LUC7L2: variants seen among roughly 807,000 people sequenced by gnomAD.
The protein encoded by LUC7L2 is LUC7 like 2, pre-mRNA splicing factor.
A neutral mutation model predicts 52.8 loss-of-function variants in LUC7L2; 25 were observed. The ratio of observed to expected loss-of-function variants is 0.47; its 90% CI spans 0.34 to 0.66. The LOEUF is 0.66. Among genes scored for constraint, LUC7L2 ranks in the 30% least tolerant of loss-of-function variants. LUC7L2 has a pLI of 0.01. For missense variants in LUC7L2, 328 were observed against 497.8 expected, an observed-to-expected ratio of 0.66 and a Z score of 3.25; for synonymous variants, 144 against 160.9, an observed-to-expected ratio of 0.89 and a Z score of 0.80.
At chr7:139,391,807 G>A (rs559209441) in intron 2 of LUC7L2, among the ~76,000 whole-genome samples, 3 of 152,160 alleles carry the variant, frequency 2.0e-5, no homozygotes, top group East Asian at 3.9e-4. Context: ...GGCTGGTCTC[G>A]AACTCCTGGC....
intron 1 of LUC7L2, among the ~76,000 whole-genome samples, chr7:139,344,421 G>A (rs552397872): frequency 2.0e-5 from 3 of 152,168 alleles, no homozygotes; most frequent in South Asian, 2.1e-4. Context: ...TACCTTATGC[G>A]GTGTAAATGC....
intron 1 of LUC7L2, among the ~76,000 whole-genome samples, chr7:139,371,742 T>C (rs546667734): frequency 2.6e-5 from 4 of 152,204 alleles, no homozygotes; most frequent in East Asian, 1.9e-4. Context: ...CCTCCTGATA[T>C]ATGGAAGGGG....
chr7:139,419,612 C>T (rs1432764608), intron 9 of LUC7L2, among the ~76,000 whole-genome samples: 1 of 152,204 alleles, frequency 6.6e-6, no homozygotes, highest in Non-Finnish European at 1.5e-5. Flanking sequence ...ATTGTTGTTG[C>T]TGAACTCCTA....
exon 1 of LUC7L2, chr7:139,340,494 C>A (rs1302467974): frequency 2.5e-6 from 1 of 398,436 alleles, no homozygotes; most frequent in Non-Finnish European, 4.4e-6. Context: ...GTTCAACGTC[C>A]GGAGCATCGG....
intron 2 of LUC7L2, among the ~76,000 whole-genome samples, chr7:139,391,375 G>C (rs1364825043): frequency 6.6e-6 from 1 of 152,150 alleles, no homozygotes; most frequent in Non-Finnish European, 1.5e-5. Context: ...TAACAAAGCA[G>C]TTATATTTAC....
intron 2 of LUC7L2, among the ~76,000 whole-genome samples, chr7:139,389,883 C>T (rs1163495626): frequency 2.6e-5 from 4 of 152,272 alleles, no homozygotes; most frequent in African/African-American, 9.6e-5. Flanking sequence ...AAACATCTTA[C>T]TTGATCTGAA....
chr7:139,362,213 G>T (rs1412683247), intron 1 of LUC7L2, among the ~76,000 whole-genome samples: 1 of 151,890 alleles, frequency 6.6e-6, no homozygotes, highest in East Asian at 1.9e-4. Flanking sequence ...GCTGTATTGG[G>T]TTAGAAGTAA....
chr7:139,350,196 A>G (rs965122606), intron 1 of LUC7L2, among the ~76,000 whole-genome samples: 1 of 151,672 alleles, frequency 6.6e-6, no homozygotes, highest in Non-Finnish European at 1.5e-5. Flanking sequence ...ATCTCTGCTC[A>G]CTGCAAGCTC....
At chr7:139,360,914 G>C (rs1799847052) in intron 1 of LUC7L2, among the ~76,000 whole-genome samples, 1 of 152,178 alleles carries the variant, frequency 6.6e-6, no homozygotes, top group African/African-American at 2.4e-5. Context: ...TTGTGAGAAG[G>C]AACATGTTAT....
At position 139,405,650 on chromosome 7, in the gene LUC7L2, C is replaced by T. The variant is rs774933065; in HGVS notation, c.373C>T (p.Arg125Cys). ...CTTTTTTATTTCTTTTTAGGCAGAA[C>T]GTGTTCATGAGTTAAATGAAGAAAT... ...ISAEVAAKAE[R>C]VHELNEEIGK... is the part of the protein sequence containing the mutation. The change falls in exon 5 of 10, where the codon CGT becomes TGT. Residue 125 changes from arginine (R) to cysteine (C), a missense_variant. By Grantham distance (180) the Arg-to-Cys change is radical. Coordinates refer to ENST00000354926, the MANE Select transcript of LUC7L2 (RefSeq NM_016019.5). 9.4e-6 allele frequency: 15 copies of T among 1,594,416 alleles called. No individual in the cohort carries two copies. Among genetic ancestry groups the T allele is most frequent in the Non-Finnish European group, 1.2e-5 (14 of 1,174,344 alleles).
intron 2 of LUC7L2, among the ~76,000 whole-genome samples, chr7:139,393,053 G>T (rs931568266): frequency 3.9e-5 from 6 of 151,924 alleles, no homozygotes; most frequent in Non-Finnish European, 2.9e-5. Flanking sequence ...AATTACCTGA[G>T]GTGAAGAGTT....
intron 7 of LUC7L2, 114 bp downstream of exon 7, chr7:139,409,768 C>T: frequency 7.3e-7 from 1 of 1,364,768 alleles, no homozygotes; most frequent in Non-Finnish European, 9.5e-7. Flanking sequence ...TGGGAAACTT[C>T]TGCTTACTTT....
At position 139,385,503 on chromosome 7, in the gene LUC7L2, TAGAG is replaced by T. The variant is rs570804362; in HGVS notation, c.156+9353_156+9356del. On this transcript the variant is annotated intron_variant, in intron 2 of 9. Coordinates refer to ENST00000354926, the MANE Select transcript of LUC7L2 (RefSeq NM_016019.5). The stretch of plus-strand genomic sequence containing the variant: ...TTCCCAGCTAATTTTAAAATTTCTG[TAGAG>T]AGAGACTCTCGCCATGCTGTCCAGG... Among the ~76,000 whole-genome samples, 3 of 152,018 alleles carry T rather than the reference TAGAG, an allele frequency of 2.0e-5. No homozygotes were observed. In the East Asian group the frequency reaches 5.8e-4, roughly 29 times the overall value.
intron 8 of LUC7L2, among the ~76,000 whole-genome samples, chr7:139,413,875 G>A (rs572069849): frequency 6.6e-6 from 1 of 152,070 alleles, no homozygotes; most frequent in East Asian, 1.9e-4. Flanking sequence ...TAATAAGTGG[G>A]GCCAGTTGTG....
At chr7:139,342,533 T>G (rs1184081440) in intron 1 of LUC7L2, among the ~76,000 whole-genome samples, 2 of 152,050 alleles carry the variant, frequency 1.3e-5, no homozygotes, top group East Asian at 3.9e-4. Flanking sequence ...TGGGAAGCCA[T>G]TCTAAGATTG....
chr7:139,351,913 CAT>C (rs1271577099), intron 1 of LUC7L2, among the ~76,000 whole-genome samples: 2 of 152,262 alleles, frequency 1.3e-5, no homozygotes, highest in Middle Eastern at 3.4e-3. Flanking sequence ...CACTCTTAAA[CAT>C]GTGGGGAGGT....
chr7:139,341,503 A>G lies in LUC7L2; in HGVS notation c.-26+986A>G, dbSNP rs146144422. 2.5e-4 allele frequency: 410 copies of G among 1,613,552 alleles called. 6 individuals are homozygous for G. In the African/African-American group the frequency reaches 5.1e-3, roughly 20 times the overall value. On this transcript the variant is annotated intron_variant, in intron 1 of 10. Transcript: ENST00000541170. ...ACCGCGGCCTATCGGTACCTTGTGA[A>G]GGCTTTCCGTGCACATCGGGTACGG...
chr7:139,347,317 G>A (rs953024852), intron 1 of LUC7L2, among the ~76,000 whole-genome samples: 1 of 150,926 alleles, frequency 6.6e-6, no homozygotes, highest in Non-Finnish European at 1.5e-5. Flanking sequence ...GCCGGGTGTG[G>A]TGGCTCACAC....
At chr7:139,406,218 ATAT>A (rs1795107260) in intron 5 of LUC7L2, among the ~76,000 whole-genome samples, 1 of 151,894 alleles carries the variant, frequency 6.6e-6, no homozygotes, top group Non-Finnish European at 1.5e-5. Context: ...CACCTGGCTA[ATAT>A]TTATATTTTT....
Sources: gnomAD v4.1 joint callset for allele counts (sites outside exome capture counted in the v4.1 genomes callset) on GRCh38, gnomAD v4.1.1 for gene constraint, MANE v1.5 for transcripts, NCBI Gene and HGNC (gene_info 2026-07-23, HGNC 2026-07-21) for gene names.